The following KCNK4 variants were observed in gnomAD, a reference collection of about 807,000 sequenced individuals.
KCNK4 encodes potassium two pore domain channel subfamily K member 4.
KCNK4 carries 22 observed loss-of-function variants against 28.8 expected under a neutral mutation model. The observed-to-expected ratio is 0.76, with a 90% CI of 0.55 to 1.09. The LOEUF is 1.09. Among genes scored for constraint, KCNK4 ranks in the 50% least tolerant of loss-of-function variants. The pLI, the probability that KCNK4 is intolerant of heterozygous loss-of-function variation, is 0.00. For missense variants in KCNK4, 483 were observed against 546.3 expected (o/e 0.88, Z 1.15); for synonymous variants, 263 against 252.9 (o/e 1.04, Z -0.38).
rs751508722 is a variant in KCNK4 at position 64,299,383 on chromosome 11, G to A, written c.839G>A (p.Gly280Asp). The change falls in exon 7 of 7, where the codon GGC becomes GAC. Residue 280 changes from glycine to aspartate, a missense_variant. Physicochemically the swap from Gly to Asp is moderately conservative, Grantham distance 94. Coordinates refer to ENST00000422670, the MANE Select transcript of KCNK4 (RefSeq NM_033310.3). ...GLTAQAASWTGTVTARVTQRA... is the reference protein window; with the variant it reads ...GLTAQAASWTDTVTARVTQRA... The stretch of plus-strand genomic sequence containing the variant: ...ACGGCTCAGGCTGCCAGCTGGACTG[G>A]CACGGTGACAGCGCGCGTGACCCAG... 6.3e-7 allele frequency: 1 copy of A among 1,577,170 alleles called. No individual in the cohort carries two copies. Among genetic ancestry groups the A allele is most frequent in the Non-Finnish European group, 8.6e-7 (1 of 1,164,294 alleles).
chr11:64,297,084 G>A (rs1419635192), intron 3 of KCNK4, 35 bp from the exon 4 acceptor site: 1 of 1,613,242 alleles, frequency 6.2e-7, no homozygotes, highest in Non-Finnish European at 8.5e-7. Context: ...GGTCCCAGGT[G>A]GCCCCTAGAC....
In KCNK4 at chr11:64,293,047, TG is replaced by T. The variant is rs1429135324; in HGVS notation, c.31del (p.Ala11ArgfsTer37). The T allele has an allele frequency of 6.5e-7, 1 of 1,548,288 alleles. No homozygotes were observed. Among genetic ancestry groups the T allele is most frequent in the South Asian group, 1.2e-5 (1 of 83,666 alleles). On this transcript the variant is annotated frameshift_variant, in exon 2 of 7. Transcript: ENST00000422670. LOFTEE classifies it high-confidence loss of function. ...CGCAGCACCACGCTCCTGGCCCTGCTGGCGCTGGTCTTGCTTTACTTGGTGT... is the reference window on the plus strand; with the variant it reads ...CGCAGCACCACGCTCCTGGCCCTGCTGCGCTGGTCTTGCTTTACTTGGTGT... MRSTTLLALLALVLLYLVSG... is the reference protein window; with the variant it reads MRSTTLLALXALVLLYLVSG...
In KCNK4 at chr11:64,297,130, G is replaced by A; in HGVS notation, c.325G>A (p.Val109Met). 6.2e-7 allele frequency: 1 copy of A among 1,614,184 alleles called. No homozygotes were observed. Among genetic ancestry groups the A allele is most frequent in the Non-Finnish European group, 8.5e-7 (1 of 1,180,026 alleles). ...TIITTIGYGN[V>M]ALRTDAGRLF... is the part of the protein sequence containing the mutation. The stretch of plus-strand genomic sequence containing the variant: ...GCCCCTCTGCCCAGGCTATGGCAAT[G>A]TGGCCCTGCGCACAGATGCCGGGCG... The change falls in exon 4 of 7, where the codon GTG (valine) becomes ATG (methionine). Residue 109 changes from valine to methionine, a missense_variant. Coordinates refer to ENST00000422670, the MANE Select transcript of KCNK4 (RefSeq NM_033310.3).
Position 64,296,868 on chromosome 11 carries a change from T to A in KCNK4, c.190-10T>A. 6.6e-7 allele frequency: 1 copy of A among 1,508,144 alleles called. No homozygotes were observed. Among genetic ancestry groups the A allele is most frequent in the South Asian group, 1.4e-5 (1 of 73,004 alleles). The allele number at this position is 1,508,144 out of a possible 1,614,324, so 93.4% of individuals were successfully genotyped here. A position where few individuals can be genotyped will look rare whatever the true frequency, so the allele number is the denominator to read the frequency against. On this transcript the variant is annotated splice_polypyrimidine_tract_variant and intron_variant, in intron 2 of 6. Transcript: ENST00000422670. ...AACTGAAGCTCCTCCTTCTGCACCT[T>A]GTCCTGCAGGAGGTGGCTGATGCCC...
At chr11:64,291,975 T>C (rs1591223099) in intron 1 of KCNK4, 2 of 1,095,768 alleles carry the variant, frequency 1.8e-6, no homozygotes, top group East Asian at 1.0e-4. Flanking sequence ...GGGAGCGAGC[T>C]GCGGGCGCTG....
chr11:64,299,276 G>T, intron 6 of KCNK4, 70 bp from the exon 7 acceptor site: 1 of 1,356,346 alleles, frequency 7.4e-7, no homozygotes. Context: ...CTGGTGAAGG[G>T]GCAGGTTCCC....
At position 64,297,361 on chromosome 11, in the gene KCNK4, C is replaced by T. The variant is rs946543033; in HGVS notation, c.474+82C>T. On this transcript the variant is annotated intron_variant, in intron 4 of 6. Transcript: ENST00000422670. ...TGTCCCTGGCACATGAGCGCGCCCCCAAAGACCATAAGCCTCTCCCACAGG... is the reference window on the plus strand; with the variant it reads ...TGTCCCTGGCACATGAGCGCGCCCCTAAAGACCATAAGCCTCTCCCACAGG... The T allele has an allele frequency of 7.6e-6, 12 of 1,574,386 alleles. No homozygotes were observed. In the African/African-American group the frequency reaches 1.2e-4, roughly 16 times the overall value.
chr11:64,297,393 G>A (rs2135232167), intron 4 of KCNK4, 74 bp from the exon 5 acceptor site: 2 of 1,579,300 alleles, frequency 1.3e-6, no homozygotes, highest in East Asian at 4.5e-5. Flanking sequence ...CAGGCTCCTG[G>A]GGGCGGGAGT....
At chr11:64,299,275 G>T in intron 6 of KCNK4, 71 bp from the exon 7 acceptor site, 11 of 1,346,786 alleles carry the variant, frequency 8.2e-6, no homozygotes, top group South Asian at 1.6e-5. Flanking sequence ...GCTGGTGAAG[G>T]GGCAGGTTCC....
chr11:64,291,931 C>T, intron 1 of KCNK4: 1 of 750,042 alleles, frequency 1.3e-6, no homozygotes, highest in Non-Finnish European at 1.7e-6. Context: ...CGCCACGCTC[C>T]GAGGCGTCGC....
rs747521051 is a variant in KCNK4, at chr11:64,297,105, G to T, written c.314-14G>T. On this transcript the variant is annotated splice_polypyrimidine_tract_variant and intron_variant, in intron 3 of 6. Transcript: ENST00000422670. ...AGGTGGCCCCTAGACTTCCTGCATCGCCCCTCTGCCCAGGCTATGGCAATG... is the reference window on the plus strand; with the variant it reads ...AGGTGGCCCCTAGACTTCCTGCATCTCCCCTCTGCCCAGGCTATGGCAATG... The T allele has an allele frequency of 5.6e-6, 9 of 1,613,932 alleles. No homozygotes were observed. In the East Asian group the frequency reaches 1.3e-4, roughly 24 times the overall value.
At position 64,299,705 on chromosome 11, in the gene KCNK4, A is replaced by C; in HGVS notation, c.1161A>C (p.Arg387=). 1 of 1,560,742 alleles carries C rather than the reference A, an allele frequency of 6.4e-7. No individual in the cohort carries two copies. The highest frequency in any genetic ancestry group is 1.4e-5 in the African/African-American group (1 of 73,820). ...GGCCCCGCGGCCCCGGGCGTCCCCG[A>C]GACAAAGGCGTGCCGGTGTAGGGGC... ...PVRPRGPGRP[R]DKGVPV is the part of the protein sequence containing the mutation. The change falls in exon 7 of 7, where the codon CGA becomes CGC. Residue 387 remains arginine, a synonymous_variant. Coordinates refer to ENST00000422670, the MANE Select transcript of KCNK4 (RefSeq NM_033310.3).
At chr11:64,292,822 G>C (rs779030495) in intron 1 of KCNK4, 120 bp from the exon 2 acceptor site, 2 of 1,095,506 alleles carry the variant, frequency 1.8e-6, no homozygotes, top group Non-Finnish European at 2.4e-6. Flanking sequence ...CAGCCAGAGG[G>C]ATGTCTGTGG....
rs1254559058 is a variant in KCNK4 at position 64,295,998 on chromosome 11, C to T, written c.190-880C>T. The T allele has an allele frequency of 5.3e-5, 8 of 152,220 alleles. No homozygotes were observed. The East Asian group carries it at 1.5e-3, about 29-fold the overall frequency. The allele number at this position is 152,220 out of a possible 1,614,324, so 9.4% of individuals were successfully genotyped here. On this transcript the variant is annotated intron_variant, in intron 2 of 6. Transcript: ENST00000422670. ...TGCATGCTGGCGAGAGGGGGAGACA[C>T]CCAAATAGGGACATTACATTCATTT...
Position 64,299,900 on chromosome 11 carries a change from T to C in KCNK4, c.*174T>C, listed in dbSNP as rs1470461315. 1 of 1,269,620 alleles carries C rather than the reference T, an allele frequency of 7.9e-7. No individual in the cohort carries two copies. Among genetic ancestry groups the C allele is most frequent in the African/African-American group, 1.5e-5 (1 of 67,298 alleles). 78.6% of individuals were successfully genotyped at this position (1,269,620 alleles called of 1,614,324 possible). On this transcript the variant is annotated 3_prime_UTR_variant, in exon 7 of 7. Transcript: ENST00000422670. ...CCCTTCCCTCACTTCCATCCATCTC[T>C]AGACCCCCCCAAGGCTTTCTGTGTC...
At chr11:64,296,809 G>T in intron 2 of KCNK4, 69 bp from the exon 3 acceptor site, 3 of 1,454,700 alleles carry the variant, frequency 2.1e-6, no homozygotes, top group Non-Finnish European at 2.7e-6. Flanking sequence ...CTAGAGACTG[G>T]AGGGGCCACG....
Position 64,297,628 on chromosome 11 carries a change from C to G in KCNK4, c.636C>G (p.Thr212=). The G allele has an allele frequency of 6.2e-7, 1 of 1,611,958 alleles. No individual in the cohort carries two copies. Among genetic ancestry groups the G allele is most frequent in the South Asian group, 1.1e-5 (1 of 91,056 alleles). ...ACTTTGTCATAGTGACGCTTACCAC[C>G]GTGGGCTTTGGCGACTATGTGGCCG... ...AIYFVIVTLT[T]VGFGDYVAGA... The change falls in exon 5 of 7, where the codon ACC becomes ACG. Residue 212 remains threonine, a synonymous_variant. Coordinates refer to ENST00000422670, the MANE Select transcript of KCNK4 (RefSeq NM_033310.3).
At chr11:64,292,513 C>G (rs2034656887) in intron 1 of KCNK4, 1 of 152,588 alleles carries the variant, frequency 6.6e-6, no homozygotes, top group South Asian at 2.1e-4. Context: ...CCACCATTCC[C>G]CTGTCCCCGC....
chr11:64,295,201 CTG>C (rs1447778775), intron 2 of KCNK4, among the ~76,000 whole-genome samples: 1 of 152,126 alleles, frequency 6.6e-6, no homozygotes, highest in Non-Finnish European at 1.5e-5. Context: ...AGACAGATCA[CTG>C]TAGGATTCAG....
Sources: gnomAD v4.1 joint callset for allele counts (sites outside exome capture counted in the v4.1 genomes callset) on GRCh38, gnomAD v4.1.1 for gene constraint, MANE v1.5 for transcripts, NCBI Gene and HGNC (gene_info 2026-07-23, HGNC 2026-07-21) for gene names.